Variants in LRRC4C observed in about 807,000 individuals in gnomAD.
LRRC4C encodes the protein leucine rich repeat containing 4C, also known as leucine-rich repeat-containing protein 4C.
In LRRC4C, 5 loss-of-function variants were observed where a neutral mutation model predicts 33.6. That is an observed-to-expected ratio of 0.15 (90% CI 0.08 to 0.31). The LOEUF is 0.31. LRRC4C is among the 10% of genes least tolerant of loss of function. The pLI is 1.00. For synonymous variants in LRRC4C, 329 were observed against 302.0 expected, an observed-to-expected ratio of 1.09 and a Z score of -0.93; for missense variants, 560 against 796.7, an observed-to-expected ratio of 0.70 and a Z score of 3.58.
intron 1 of LRRC4C, among the ~76,000 whole-genome samples, chr11:40,983,809 T>C (rs541071205): frequency 1.3e-5 from 2 of 152,224 alleles, no homozygotes; most frequent in East Asian, 3.9e-4. Context: ...TTTCACACCA[T>C]TCAGAATAGA....
intron 5 of LRRC4C, among the ~76,000 whole-genome samples, chr11:40,147,126 T>C (rs1267338439): frequency 6.6e-6 from 1 of 152,152 alleles, no homozygotes; most frequent in African/African-American, 2.4e-5. Context: ...TGCCTGACTT[T>C]TTCCCAACTT....
chr11:40,426,197 T>C (rs1412458354), intron 3 of LRRC4C, among the ~76,000 whole-genome samples: 1 of 151,954 alleles, frequency 6.6e-6, no homozygotes, highest in Non-Finnish European at 1.5e-5. Flanking sequence ...ATATTTTTAG[T>C]AGAGACGGGG....
In LRRC4C at chr11:40,830,712, G is replaced by T. The variant is rs182879599; in HGVS notation, c.-407+102923C>A. Among the ~76,000 whole-genome samples the T allele has an allele frequency of 3.9e-5, 6 of 152,178 alleles. No individual in the cohort carries two copies. The East Asian group carries it at 1.2e-3, about 29-fold the overall frequency. On this transcript the variant is annotated intron_variant, in intron 2 of 6. Transcript: ENST00000528697. ...CCCTTCATGCCGACGTACACCATAT[G>T]GGGCGGATTCATCTTCGTTTGTAGG...
intron 1 of LRRC4C, among the ~76,000 whole-genome samples, chr11:41,089,772 AC>A (rs1423445666): frequency 6.6e-6 from 1 of 151,990 alleles, no homozygotes; most frequent in East Asian, 1.9e-4. Flanking sequence ...TCTATCCACA[AC>A]CTGAATTTAT....
At chr11:40,479,698 G>A (rs1334336407) in intron 3 of LRRC4C, among the ~76,000 whole-genome samples, 1 of 152,074 alleles carries the variant, frequency 6.6e-6, no homozygotes, top group Non-Finnish European at 1.5e-5. Flanking sequence ...TATGTAACTG[G>A]TATTGACTGA....
At chr11:40,127,813 G>C (rs1012467105) in intron 6 of LRRC4C, among the ~76,000 whole-genome samples, 1 of 152,106 alleles carries the variant, frequency 6.6e-6, no homozygotes, top group Non-Finnish European at 1.5e-5. Context: ...TCTGCATATG[G>C]TCACGTTAGA....
At chr11:40,784,679 T>C (rs773880420) in intron 2 of LRRC4C, among the ~76,000 whole-genome samples, 17 of 152,216 alleles carry the variant, frequency 1.1e-4, no homozygotes, top group Non-Finnish European at 1.8e-4. Flanking sequence ...AGTGAATTAA[T>C]TTGAAAGATT....
At chr11:40,817,375 T>C (rs928031055) in intron 2 of LRRC4C, among the ~76,000 whole-genome samples, 1 of 152,154 alleles carries the variant, frequency 6.6e-6, no homozygotes, top group African/African-American at 2.4e-5. Flanking sequence ...TGAGAGTAAT[T>C]AGTAGTTTTT....
intron 2 of LRRC4C, among the ~76,000 whole-genome samples, chr11:40,783,145 G>C (rs10837503): frequency 0.39 from 59,589 of 151,896 alleles, 16,126 homozygotes; most frequent in African/African-American, 0.77. Context: ...CTTAAATGCA[G>C]CGAAGTTTGA....
intron 1 of LRRC4C, among the ~76,000 whole-genome samples, chr11:40,969,783 C>G (rs1288330009): frequency 6.6e-6 from 1 of 152,170 alleles, no homozygotes; most frequent in Non-Finnish European, 1.5e-5. Context: ...AATTTTGTGA[C>G]TCCCATTATT....
At chr11:41,002,011 T>C (rs1369545775) in intron 1 of LRRC4C, among the ~76,000 whole-genome samples, 1 of 152,156 alleles carries the variant, frequency 6.6e-6, no homozygotes, top group Non-Finnish European at 1.5e-5. Flanking sequence ...GTTTTTTTCC[T>C]CTTTATTTTA....
rs200956021 is a variant in LRRC4C, at chr11:40,567,639, T to A, written c.-270+80503A>T. ...GCTCTCCAGTCCCATGACTCTGTAA[T>A]GAAGTTTGACATACACTTACTAGAA... is the stretch of plus-strand genomic sequence containing the variant. On this transcript the variant is annotated intron_variant, in intron 3 of 6. Coordinates refer to ENST00000528697, the MANE Select transcript of LRRC4C (RefSeq NM_001258419.2). Among the ~76,000 whole-genome samples the A allele has an allele frequency of 2.6e-5, 4 of 152,304 alleles. No individual in the cohort carries two copies. The East Asian group carries it at 7.7e-4, about 29-fold the overall frequency.
At chr11:40,564,067 A>G (rs895033943) in intron 3 of LRRC4C, among the ~76,000 whole-genome samples, 2 of 152,210 alleles carry the variant, frequency 1.3e-5, no homozygotes, top group African/African-American at 4.8e-5. Flanking sequence ...CCAGATCCAG[A>G]AGAGAACTCC....
intron 3 of LRRC4C, among the ~76,000 whole-genome samples, chr11:40,645,628 A>G (rs1942404768): frequency 6.6e-6 from 1 of 152,324 alleles, no homozygotes; most frequent in African/African-American, 2.4e-5. Context: ...ACTCTTTCCT[A>G]GTGATAAAAC....
At chr11:40,514,975 A>T (rs1955504433) in intron 3 of LRRC4C, among the ~76,000 whole-genome samples, 1 of 152,116 alleles carries the variant, frequency 6.6e-6, no homozygotes. Flanking sequence ...AAACTAAAAC[A>T]TCCACACCAT....
intron 1 of LRRC4C, among the ~76,000 whole-genome samples, chr11:41,369,812 C>T (rs1952678250): frequency 6.6e-6 from 1 of 152,058 alleles, no homozygotes; most frequent in African/African-American, 2.4e-5. Flanking sequence ...GGCATAATTT[C>T]ATTTGCTCTT....
At chr11:40,634,137 A>G (rs550216959) in intron 3 of LRRC4C, among the ~76,000 whole-genome samples, 2 of 152,336 alleles carry the variant, frequency 1.3e-5, no homozygotes, top group South Asian at 2.1e-4. Context: ...GTGAGATTAA[A>G]TATTTCAGCA....
chr11:40,893,669 A>T (rs1015765647), intron 2 of LRRC4C, among the ~76,000 whole-genome samples: 5 of 152,112 alleles, frequency 3.3e-5, no homozygotes, highest in Non-Finnish European at 7.4e-5. Flanking sequence ...TTACACAGTC[A>T]TTTAGCTGGA....
intron 2 of LRRC4C, among the ~76,000 whole-genome samples, chr11:40,883,576 A>G (rs1955290402): frequency 6.6e-6 from 1 of 152,094 alleles, no homozygotes; most frequent in South Asian, 2.1e-4. Context: ...CTCACCAATG[A>G]ATGAAGACAA....
Sources: allele counts gnomAD v4.1 joint callset (sites outside exome capture counted in the v4.1 genomes callset), GRCh38; gene constraint gnomAD v4.1.1; transcripts MANE v1.5; gene names NCBI Gene and HGNC (gene_info 2026-07-23, HGNC 2026-07-21).